Variants in SIN3B observed in about 807,000 individuals in gnomAD.
The protein encoded by SIN3B is SIN3 transcription regulator family member B.
SIN3B carries 19 observed loss-of-function variants against 120.2 expected under a neutral mutation model. That is an observed-to-expected ratio of 0.16 (90% CI 0.11 to 0.23). The LOEUF is 0.23. Among genes scored for constraint, SIN3B ranks in the 10% least tolerant of loss-of-function variants. The probability of loss-of-function intolerance (pLI) is 1.00; values close to 1 mark genes in which losing one functional copy is unlikely to be tolerated. For synonymous variants in SIN3B, 654 were observed against 653.2 expected (o/e 1.00, Z -0.02); for missense variants, 1,073 against 1,573.0 (o/e 0.68, Z 5.38).
At chr19:16,845,562 C>A (rs189660580) in intron 4 of SIN3B, among the ~76,000 whole-genome samples, 6 of 152,122 alleles carry the variant, frequency 3.9e-5, no homozygotes, top group African/African-American at 1.4e-4. Flanking sequence ...CCTGAGCTAC[C>A]GCACCTGGCC....
rs747092602 is a variant in SIN3B at position 16,878,205 on chromosome 19, C to T, written c.2977C>T (p.Arg993Trp). 1.0e-5 allele frequency: 16 copies of T among 1,583,632 alleles called. No individual in the cohort carries two copies. Among genetic ancestry groups the T allele is most frequent in the East Asian group, 2.3e-5 (1 of 43,522 alleles). ...LQRNLKKFRR[R>W]WQSEQARALR... ...CAGGAACCTCAAGAAGTTCCGCCGC[C>T]GGTGGCAGAGCGAGCAGGCGCGGGC... Residue 993 changes from arginine (R) to tryptophan (W), a missense_variant, in exon 18 of 19, where the codon CGG becomes TGG. Physicochemically the swap from Arg to Trp is moderately radical, Grantham distance 101. This residue lies in a region of SIN3B where 311 missense variants were observed against 400.3 expected (regional missense o/e 0.78). Transcript: ENST00000248054.
At chr19:16,871,122 G>A in intron 13 of SIN3B, 107 bp from the exon 14 acceptor site, 1 of 1,410,782 alleles carries the variant, frequency 7.1e-7, no homozygotes, top group African/African-American at 1.4e-5. Flanking sequence ...GGTGAGGGCT[G>A]TTGGGCCCCA....
At position 16,829,555 on chromosome 19, in the gene SIN3B, C is replaced by T. The variant is rs1187035782; in HGVS notation, c.120+15C>T. On this transcript the variant is annotated intron_variant, in intron 1 of 18. Transcript: ENST00000248054. ...TGCCGGTGCACGTGAGTGGCGTCCC[C>T]GCCCTCCCTCGGGGAACCCATCTTC... 1.6e-6 allele frequency: 2 copies of T among 1,240,506 alleles called. No homozygotes were observed. Among genetic ancestry groups the T allele is most frequent in the South Asian group, 3.5e-5 (1 of 28,664 alleles). 76.8% of individuals were successfully genotyped at this position (1,240,506 alleles called of 1,614,324 possible).
Position 16,862,493 on chromosome 19 carries a change from C to T in SIN3B, c.1200C>T (p.Ser400=), listed in dbSNP as rs547882191. 5.0e-6 allele frequency: 8 copies of T among 1,614,174 alleles called. No homozygotes were observed. The East Asian group carries it at 1.6e-4, about 31-fold the overall frequency. Residue 400 remains serine, a synonymous_variant, in exon 9 of 19, where the codon AGC becomes AGT. Coordinates refer to ENST00000248054, the MANE Select transcript of SIN3B (RefSeq NM_001297595.2). The surrounding 1 kb of genome is among the most constrained non-coding windows in gnomAD (Gnocchi z 4.7). ...CATCCTGCAAGCGCATAGGATCCAG[C>T]TACCGGGCACTCCCCAAAACCTACC... ...DYASCKRIGS[S]YRALPKTYQQ...
In SIN3B at chr19:16,870,000, C is replaced by T. The variant is rs898266654; in HGVS notation, c.2347C>T (p.Arg783Trp). The T allele has an allele frequency of 3.1e-6, 5 of 1,613,632 alleles. No individual in the cohort carries two copies. The highest frequency in any genetic ancestry group is 2.7e-5 in the African/African-American group (2 of 74,924). Residue 783 changes from arginine (R) to tryptophan (W), a missense_variant, in exon 13 of 19, where the codon CGG becomes TGG. Coordinates refer to ENST00000248054, the MANE Select transcript of SIN3B (RefSeq NM_001297595.2). ...TCTGGAGTATCGGACCGAGAAGGAG[C>T]GGGAGAAGCTGCTGTGTGAGGGCCG... ...QLLEYRTEKE[R>W]EKLLCEGRRE...
In SIN3B at chr19:16,862,158, C is replaced by T. The variant is rs1489267686; in HGVS notation, c.1059-194C>T. ...GGTGTGTGACAGATGGGTGGGAGGC[C>T]CATTCATTCACACACCCCGGGACTT... On this transcript the variant is annotated intron_variant, in intron 8 of 18. Coordinates refer to ENST00000248054, the MANE Select transcript of SIN3B (RefSeq NM_001297595.2). The surrounding 1 kb of genome is among the most constrained non-coding windows in gnomAD (Gnocchi z 4.7). Among the ~76,000 whole-genome samples, 1 of 152,054 alleles carries T rather than the reference C, an allele frequency of 6.6e-6. No homozygotes were observed. The highest frequency in any genetic ancestry group is 1.5e-5 in the Non-Finnish European group (1 of 68,006).
intron 4 of SIN3B, among the ~76,000 whole-genome samples, chr19:16,843,256 C>T (rs1971440700): frequency 6.6e-6 from 1 of 152,220 alleles, no homozygotes; most frequent in African/African-American, 2.4e-5. Flanking sequence ...GGCCACCACG[C>T]CCAGCTAATT....
Position 16,879,052 on chromosome 19 carries a change from C to T in SIN3B, c.*325C>T, listed in dbSNP as rs1279822761. 4.8e-6 allele frequency: 2 copies of T among 418,632 alleles called. No individual in the cohort carries two copies. Among genetic ancestry groups the T allele is most frequent in the East Asian group, 4.3e-5 (1 of 23,188 alleles). 25.9% of individuals were successfully genotyped at this position (418,632 alleles called of 1,614,324 possible). ...CCAAATCCCTGGCAGGCAGATGGCT[C>T]CTGCCCCATATTCTTGCCGTGTCTT... On this transcript the variant is annotated 3_prime_UTR_variant, in exon 19 of 19. Transcript: ENST00000248054.
At chr19:16,851,007 TC>T (rs1971537482) in intron 5 of SIN3B, among the ~76,000 whole-genome samples, 2 of 152,126 alleles carry the variant, frequency 1.3e-5, no homozygotes, top group African/African-American at 4.8e-5. Context: ...ATCAGCCACT[TC>T]CCCTTGCTGC....
intron 8 of SIN3B, chr19:16,855,380 C>A (rs113688761): frequency 0.15 from 18,143 of 117,160 alleles, 3,670 homozygotes; most frequent in East Asian, 0.36. Flanking sequence ...TCCCCCCCCC[C>A]CCCCCAGCAA....
chr19:16,842,844 G>T (rs1971434793), intron 4 of SIN3B, among the ~76,000 whole-genome samples: 1 of 152,206 alleles, frequency 6.6e-6, no homozygotes, highest in African/African-American at 2.4e-5. Context: ...CAGTCAGGTT[G>T]AATCTTGACA....
chr19:16,850,962 CT>C (rs35407298), intron 5 of SIN3B, among the ~76,000 whole-genome samples: 65,256 of 152,034 alleles, frequency 0.43, 14,202 homozygotes, highest in Non-Finnish European at 0.46. Flanking sequence ...ACTTCAAAAC[CT>C]GGCCCCAAGG....
chr19:16,875,194 G>T (rs1448673557), intron 14 of SIN3B, among the ~76,000 whole-genome samples: 3 of 137,508 alleles, frequency 2.2e-5, no homozygotes, highest in African/African-American at 8.4e-5. Flanking sequence ...GTCTGGTCTG[G>T]TCTGGTCTGG....
intron 10 of SIN3B, 100 bp from the exon 11 acceptor site, chr19:16,865,310 C>CCG (rs1555743001): frequency 2.7e-5 from 15 of 548,140 alleles, no homozygotes; most frequent in Non-Finnish European, 4.7e-5. Flanking sequence ...ACACACACCC[C>CCG]CCCCCCAAAA....
intron 9 of SIN3B, 95 bp from the exon 10 acceptor site, chr19:16,863,585 G>T (rs1971718806): frequency 2.5e-6 from 2 of 794,396 alleles, no homozygotes; most frequent in African/African-American, 3.4e-5. Context: ...GTATCAGGAT[G>T]GTATTATGTA....
Position 16,862,278 on chromosome 19 carries a change from C to T in SIN3B, c.1059-74C>T. 8.6e-7 allele frequency: 1 copy of T among 1,165,516 alleles called. No individual in the cohort carries two copies. The highest frequency in any genetic ancestry group is 1.3e-6 in the Non-Finnish European group (1 of 794,962). The allele number at this position is 1,165,516 out of a possible 1,614,324, so 72.2% of individuals were successfully genotyped here. A position where few individuals can be genotyped will look rare whatever the true frequency, so the allele number is the denominator to read the frequency against. ...TTTAACTTGTAATGTCCACATGAAG[C>T]CATTCTAAAATCTCCAGATCCCTCT... On this transcript the variant is annotated intron_variant, in intron 8 of 18. Transcript: ENST00000248054. The surrounding 1 kb of genome is among the most constrained non-coding windows in gnomAD (Gnocchi z 4.7).
At chr19:16,854,038 A>G in intron 7 of SIN3B, 105 bp from the exon 8 acceptor site, 1 of 726,758 alleles carries the variant, frequency 1.4e-6, no homozygotes, top group South Asian at 1.7e-5. Context: ...TTATAGACAC[A>G]GTTGGTTCCC....
rs762114000 is a variant in SIN3B, at chr19:16,862,428, G to A, written c.1135G>A (p.Asp379Asn). 2.5e-6 allele frequency: 4 copies of A among 1,614,140 alleles called. No individual in the cohort carries two copies. The highest frequency in any genetic ancestry group is 2.2e-5 in the South Asian group (2 of 91,074). The change falls in exon 9 of 19, where the codon GAC (aspartate) becomes AAC (asparagine). Residue 379 changes from aspartate to asparagine, a missense_variant. Asp to Asn is a conservative substitution (Grantham distance 23). This residue lies in a region of SIN3B where 395 missense variants were observed against 528.0 expected (regional missense o/e 0.75). Coordinates refer to ENST00000248054, the MANE Select transcript of SIN3B (RefSeq NM_001297595.2). This position sits in a 1 kb window ranked among gnomAD's most constrained non-coding sequence, Gnocchi z 4.7. ...KELSFAPPMSDRSGDGISREI... is the reference protein window; with the variant it reads ...KELSFAPPMSNRSGDGISREI... ...GCTGTCCTTCGCGCCACCCATGAGCGACAGATCCGGGGACGGGATAAGCCG... is the reference window on the plus strand; with the variant it reads ...GCTGTCCTTCGCGCCACCCATGAGCAACAGATCCGGGGACGGGATAAGCCG...
At chr19:16,851,587 G>C (rs937227501) in intron 6 of SIN3B, 53 bp downstream of exon 6, 9 of 1,519,198 alleles carry the variant, frequency 5.9e-6, no homozygotes, top group Non-Finnish European at 8.0e-6. Context: ...CCAGCAAATC[G>C]GGCCTTCCCA....
Sources: allele counts gnomAD v4.1 joint callset (sites outside exome capture counted in the v4.1 genomes callset), GRCh38; gene constraint gnomAD v4.1.1; regional missense constraint gnomAD v4.1.1; non-coding constraint Gnocchi (gnomAD v3.1); transcripts MANE v1.5; gene names NCBI Gene and HGNC (gene_info 2026-07-23, HGNC 2026-07-21).